The following STK33 variants were observed in gnomAD, a reference collection of about 807,000 sequenced individuals.
STK33 encodes the protein serine/threonine-protein kinase 33.
A neutral mutation model predicts 58.0 loss-of-function variants in STK33; 52 were observed. The ratio of observed to expected loss-of-function variants is 0.90; its 90% CI spans 0.72 to 1.13. The LOEUF (loss-of-function observed/expected upper bound fraction) is 1.13. Ranked by LOEUF, STK33 falls within the 50% of genes most tolerant of loss-of-function variation. STK33 has a pLI of 0.00. For synonymous variants in STK33, 215 were observed against 200.1 expected (o/e 1.07, Z -0.63); for missense variants, 630 against 604.2 (o/e 1.04, Z -0.45).
At chr11:8,558,847 T>A (rs2140891940) in intron 1 of STK33, among the ~76,000 whole-genome samples, 1 of 152,346 alleles carries the variant, frequency 6.6e-6, no homozygotes, top group Admixed American at 6.5e-5. Flanking sequence ...TGCAGCAAAT[T>A]CACGTTTTCA....
chr11:8,423,286 A>G (rs951212690), intron 14 of STK33, among the ~76,000 whole-genome samples: 3 of 150,630 alleles, frequency 2.0e-5, no homozygotes, highest in Non-Finnish European at 4.4e-5. Flanking sequence ...GATCTTTCCT[A>G]CTACTTTATT....
chr11:8,406,278 T>A (rs1939196306), intron 15 of STK33, among the ~76,000 whole-genome samples: 1 of 152,202 alleles, frequency 6.6e-6, no homozygotes, highest in Non-Finnish European at 1.5e-5. Flanking sequence ...ACTGTATCTA[T>A]GTAGTAAATG....
At chr11:8,507,023 G>A (rs1951913700) in intron 1 of STK33, among the ~76,000 whole-genome samples, 1 of 152,100 alleles carries the variant, frequency 6.6e-6, no homozygotes, top group Admixed American at 6.6e-5. Context: ...TATCTTAAGT[G>A]ACATGTGGTC....
intron 11 of STK33, among the ~76,000 whole-genome samples, chr11:8,449,483 G>C (rs1401889277): frequency 2.0e-5 from 3 of 151,604 alleles, no homozygotes; most frequent in Non-Finnish European, 4.4e-5. Context: ...GTCCTTTGTA[G>C]GGACATGGAT....
chr11:8,379,994 G>A, the STK33 span, among the ~76,000 whole-genome samples: 1 of 152,190 alleles, frequency 6.6e-6, no homozygotes, highest in Non-Finnish European at 1.5e-5. Flanking sequence ...ATTCCATGGT[G>A]TTTATATACC....
At chr11:8,436,287 T>C (rs946131485) in intron 12 of STK33, 148 bp from the exon 13 acceptor site, 2 of 462,944 alleles carry the variant, frequency 4.3e-6, no homozygotes, top group Non-Finnish European at 7.6e-6. Flanking sequence ...GAAGTAAAAA[T>C]GGAAACAACA....
chr11:8,400,630 C>T (rs969920191), intron 15 of STK33, among the ~76,000 whole-genome samples: 3 of 150,932 alleles, frequency 2.0e-5, no homozygotes, highest in Admixed American at 6.6e-5. Context: ...GGCAATCAGG[C>T]AGGAGAAGGA....
chr11:8,550,012 AACTTTGT>A (rs1180631212), intron 1 of STK33, among the ~76,000 whole-genome samples: 1 of 152,244 alleles, frequency 6.6e-6, no homozygotes, highest in African/African-American at 2.4e-5. Flanking sequence ...GTCAAATATT[AACTTTGT>A]ACTTTGTATT....
At chr11:8,465,053 C>A in intron 6 of STK33, 1 of 312,864 alleles carries the variant, frequency 3.2e-6, no homozygotes, top group Non-Finnish European at 5.8e-6. Context: ...CATAAAAATC[C>A]TAATGGTGAA....
At position 8,428,252 on chromosome 11, in the gene STK33, C is replaced by T. The variant is rs576201834; in HGVS notation, c.1146+7242G>A. On this transcript the variant is annotated intron_variant, in intron 14 of 15. Coordinates refer to ENST00000687296, the MANE Select transcript of STK33 (RefSeq NM_001352389.2). The stretch of plus-strand genomic sequence containing the variant: ...TTTTCCTTGGCTTCTCATTCAGGCA[C>T]GGCTTCAGTGCTGCTCCGACTTTAT... Among the ~76,000 whole-genome samples the T allele has an allele frequency of 2.6e-5, 4 of 152,344 alleles. No individual in the cohort carries two copies. In the East Asian group the frequency reaches 5.8e-4, roughly 22 times the overall value.
the STK33 span, among the ~76,000 whole-genome samples, chr11:8,346,574 G>A: frequency 1.3e-5 from 2 of 152,220 alleles, no homozygotes; most frequent in African/African-American, 2.4e-5. Context: ...GGATATCTGT[G>A]AGGAAAGGCC....
the STK33 span, among the ~76,000 whole-genome samples, chr11:8,359,443 T>C: frequency 6.6e-6 from 1 of 152,228 alleles, no homozygotes; most frequent in Non-Finnish European, 1.5e-5. Context: ...TATTTCAAAG[T>C]AAATTTTAAA....
At chr11:8,527,869 C>A (rs1954189029) in intron 1 of STK33, among the ~76,000 whole-genome samples, 1 of 152,192 alleles carries the variant, frequency 6.6e-6, no homozygotes, top group South Asian at 2.1e-4. Context: ...ATGGTGCTAT[C>A]ATAGAAATAG....
Position 8,458,495 on chromosome 11 carries a change from G to C in STK33, c.559-1016C>G, listed in dbSNP as rs549262904. Among the ~76,000 whole-genome samples, 11 of 151,174 alleles carry C rather than the reference G, an allele frequency of 7.3e-5. No individual in the cohort carries two copies. The East Asian group carries it at 2.1e-3, about 29-fold the overall frequency. On this transcript the variant is annotated intron_variant, in intron 8 of 15. Coordinates refer to ENST00000687296, the MANE Select transcript of STK33 (RefSeq NM_001352389.2). The stretch of plus-strand genomic sequence containing the variant: ...AGTATGCTGACTTTTGTTTCTAGAG[G>C]GTAGATGTGAGGCATAGAATCGAGA...
At chr11:8,399,073 A>G (rs1238977354) in intron 15 of STK33, among the ~76,000 whole-genome samples, 5 of 152,180 alleles carry the variant, frequency 3.3e-5, no homozygotes. Flanking sequence ...CAGAAAGTTA[A>G]AAAGGATATC....
chr11:8,471,406 T>C (rs766468218), intron 6 of STK33, among the ~76,000 whole-genome samples: 4 of 152,200 alleles, frequency 2.6e-5, no homozygotes, highest in African/African-American at 4.8e-5. Flanking sequence ...AAAATGATAA[T>C]GTAGATCTAT....
chr11:8,516,826 G>T (rs1184434190), intron 1 of STK33, among the ~76,000 whole-genome samples: 2 of 152,124 alleles, frequency 1.3e-5, no homozygotes, highest in African/African-American at 4.8e-5. Flanking sequence ...GGTAAACAAA[G>T]CGCCCTGGAA....
intron 14 of STK33, among the ~76,000 whole-genome samples, chr11:8,423,873 T>C (rs1385491483): frequency 6.6e-6 from 1 of 152,096 alleles, no homozygotes; most frequent in Non-Finnish European, 1.5e-5. Flanking sequence ...TTTAAGGTTA[T>C]TTTATTAGTT....
At chr11:8,546,200 T>C (rs1955898274) in intron 1 of STK33, among the ~76,000 whole-genome samples, 1 of 152,218 alleles carries the variant, frequency 6.6e-6, no homozygotes, top group Admixed American at 6.5e-5. Flanking sequence ...CACAGGTCAT[T>C]ATTGCATACT....
Sources: gnomAD v4.1 joint callset for allele counts (sites outside exome capture counted in the v4.1 genomes callset) on GRCh38, gnomAD v4.1.1 for gene constraint, MANE v1.5 for transcripts, NCBI Gene and HGNC (gene_info 2026-07-23, HGNC 2026-07-21) for gene names.